The following PRKN variants were observed in gnomAD, a reference collection of about 807,000 sequenced individuals.
PRKN encodes E3 ubiquitin-protein ligase parkin.
Under a neutral mutation model 59.5 loss-of-function variants are expected in PRKN, and 56 were observed. The ratio of observed to expected loss-of-function variants is 0.94; its 90% CI spans 0.76 to 1.18. The LOEUF (loss-of-function observed/expected upper bound fraction) is 1.18, where lower values mean the gene tolerates loss of function less well. Among genes scored for constraint, PRKN ranks in the 50% most tolerant of loss-of-function variants. The pLI, the probability that PRKN is intolerant of heterozygous loss-of-function variation, is 0.00. For missense variants in PRKN, 657 were observed against 596.4 expected, an observed-to-expected ratio of 1.10 and a Z score of -1.06; for synonymous variants, 250 against 222.1, an observed-to-expected ratio of 1.13 and a Z score of -1.12.
chr6:162,405,141 A>C (rs1787993677), intron 2 of PRKN, among the ~76,000 whole-genome samples: 1 of 152,154 alleles, frequency 6.6e-6, no homozygotes, highest in Non-Finnish European at 1.5e-5. Context: ...GAGACAACTC[A>C]AAAAAGGAGT....
intron 9 of PRKN, among the ~76,000 whole-genome samples, chr6:161,415,607 C>T (rs1384658230): frequency 1.1e-5 from 1 of 90,588 alleles, no homozygotes; most frequent in African/African-American, 4.1e-5. Flanking sequence ...CCCCCCCCCC[C>T]GACCCCCCGC....
chr6:162,567,500 A>G (rs1309429790), intron 1 of PRKN, among the ~76,000 whole-genome samples: 1 of 152,178 alleles, frequency 6.6e-6, no homozygotes, highest in East Asian at 1.9e-4. Context: ...TAAATAAAAG[A>G]AATTTTTAAA....
At chr6:161,432,532 A>ATTTTTTTTTTTTT (rs767620173) in intron 9 of PRKN, among the ~76,000 whole-genome samples, 1 of 125,492 alleles carries the variant, frequency 8.0e-6, no homozygotes. Flanking sequence ...TGCCCAGCTA[A>ATTTTTTTTTTTTT]TTTTTTTTTT....
In PRKN at chr6:161,378,108, C is replaced by T. The variant is rs1338379397; in HGVS notation, c.1167+8686G>A. Among the ~76,000 whole-genome samples, 2 of 152,168 alleles carry T rather than the reference C, an allele frequency of 1.3e-5. No individual in the cohort carries two copies. Among genetic ancestry groups the T allele is most frequent in the Non-Finnish European group, 2.9e-5 (2 of 68,030 alleles). On this transcript the variant is annotated intron_variant, in intron 10 of 11. Transcript: ENST00000366898. This position sits in a 1 kb window ranked among gnomAD's most constrained non-coding sequence, Gnocchi z 7.3. ...GCAGGGACAGAGAAAATCTGGAAGACTGAGGACAGGTAAGACAAGGAGCTC... is the reference window on the plus strand; with the variant it reads ...GCAGGGACAGAGAAAATCTGGAAGATTGAGGACAGGTAAGACAAGGAGCTC...
At chr6:161,668,839 C>T (rs1325369140) in intron 7 of PRKN, among the ~76,000 whole-genome samples, 2 of 152,202 alleles carry the variant, frequency 1.3e-5, no homozygotes, top group South Asian at 2.1e-4. Context: ...AGCTGTCTAT[C>T]TCACCCACAT....
At chr6:162,485,016 AT>A (rs1792478844) in intron 1 of PRKN, among the ~76,000 whole-genome samples, 1 of 152,216 alleles carries the variant, frequency 6.6e-6, no homozygotes, top group Admixed American at 6.5e-5. Flanking sequence ...ACAAAGACAA[AT>A]CTCATCAGTA....
rs963167950 is a variant in PRKN at position 161,461,685 on chromosome 6, C to T, written c.1084-74808G>A. ...TTGCAAGGACCGAGGTAAGAAGAGACAGGACAGGGTTGCATGTGGGTGAGG... is the reference window on the plus strand; with the variant it reads ...TTGCAAGGACCGAGGTAAGAAGAGATAGGACAGGGTTGCATGTGGGTGAGG... On this transcript the variant is annotated intron_variant, in intron 9 of 11. Coordinates refer to ENST00000366898, the MANE Select transcript of PRKN (RefSeq NM_004562.3). The surrounding 1 kb of genome is among the most constrained non-coding windows in gnomAD (Gnocchi z 5.1). Among the ~76,000 whole-genome samples the T allele has an allele frequency of 6.6e-6, 1 of 152,098 alleles. No homozygotes were observed. Among genetic ancestry groups the T allele is most frequent in the Admixed American group, 6.5e-5 (1 of 15,284 alleles).
chr6:162,567,518 T>C (rs1005694742), intron 1 of PRKN, among the ~76,000 whole-genome samples: 1 of 152,070 alleles, frequency 6.6e-6, no homozygotes, highest in African/African-American at 2.4e-5. Flanking sequence ...AAAAATTCCA[T>C]TTACAATAGC....
intron 10 of PRKN, among the ~76,000 whole-genome samples, chr6:161,374,908 T>A (rs1785627893): frequency 6.6e-6 from 1 of 152,174 alleles, no homozygotes; most frequent in Non-Finnish European, 1.5e-5. Flanking sequence ...TTTTACCAAC[T>A]CTGCTGGGAT....
intron 7 of PRKN, among the ~76,000 whole-genome samples, chr6:161,640,629 G>T (rs1279081467): frequency 1.3e-5 from 2 of 152,048 alleles, no homozygotes; most frequent in Non-Finnish European, 2.9e-5. Flanking sequence ...CCTATTTTTT[G>T]ACCAGGCTTG....
rs1309170984 is a variant in PRKN, at chr6:162,584,219, AAAAAACAAAAAACAAAAAACAAAAAAC to A, written c.8-140773_8-140747del. Among the ~76,000 whole-genome samples, 90 of 95,492 alleles carry A rather than the reference AAAAAACAAAAAACAAAAAACAAAAAAC, an allele frequency of 9.4e-4. No individual in the cohort carries two copies. In the East Asian group the frequency reaches 0.024, roughly 26 times the overall value. 62.6% of individuals were successfully genotyped at this position (95,492 alleles called of 152,430 possible). On this transcript the variant is annotated intron_variant, in intron 1 of 11. Transcript: ENST00000366898. ...CAGAGTGAGACTCCGTCTCAAAAAA[AAAAAACAAAAAACAAAAAACAAAAAAC>A]AAAAAAAAAAAAAACACTGACTATA...
At chr6:161,494,395 T>C (rs1177257822) in intron 9 of PRKN, among the ~76,000 whole-genome samples, 2 of 152,222 alleles carry the variant, frequency 1.3e-5, no homozygotes, top group Admixed American at 1.3e-4. Context: ...CTGAGAAGCC[T>C]GACTGGTCCT....
intron 2 of PRKN, among the ~76,000 whole-genome samples, chr6:162,301,048 T>C (rs1438071053): frequency 1.3e-5 from 2 of 152,112 alleles, no homozygotes; most frequent in African/African-American, 4.8e-5. Context: ...TATATTTATC[T>C]AGTACTTCTT....
intron 6 of PRKN, among the ~76,000 whole-genome samples, chr6:161,905,579 T>C (rs1445759243): frequency 1.3e-5 from 2 of 152,158 alleles, no homozygotes; most frequent in Admixed American, 1.3e-4. Context: ...CCTTTTCAGA[T>C]CCGCTTCCAA....
At chr6:161,771,458 G>T (rs1217713593) in intron 7 of PRKN, among the ~76,000 whole-genome samples, 1 of 151,892 alleles carries the variant, frequency 6.6e-6, no homozygotes, top group Admixed American at 6.6e-5. Flanking sequence ...CTTGGGGGAG[G>T]GATCAGGAGT....
intron 6 of PRKN, among the ~76,000 whole-genome samples, chr6:161,937,445 CT>C (rs981026269): frequency 6.6e-6 from 1 of 152,204 alleles, no homozygotes; most frequent in Admixed American, 6.5e-5. Flanking sequence ...TCTTTATCAT[CT>C]ATAGTCACTT....
intron 7 of PRKN, among the ~76,000 whole-genome samples, chr6:161,671,857 C>A (rs1429342871): frequency 6.6e-6 from 1 of 152,140 alleles, no homozygotes; most frequent in Non-Finnish European, 1.5e-5. Context: ...TGTTTGTTAT[C>A]ATTTTCGAGG....
At position 161,526,023 on chromosome 6, in the gene PRKN, C is replaced by A. The variant is rs542482488; in HGVS notation, c.1083+22831G>T. 3.1e-4 allele frequency among the ~76,000 whole-genome samples: 47 copies of A among 152,188 alleles called. No individual in the cohort carries two copies. The highest frequency in any genetic ancestry group is 2.9e-5 in the Non-Finnish European group (2 of 68,006). On this transcript the variant is annotated intron_variant, in intron 9 of 11. Transcript: ENST00000366898. The surrounding 1 kb of genome is among the most constrained non-coding windows in gnomAD (Gnocchi z 4.1). ...TGTAACCCAAATCTGTGTATATAAG[C>A]AATTTAGTATTGTGTATCTTCTAAA...
At chr6:161,840,242 CT>C (rs2128220470) in intron 6 of PRKN, among the ~76,000 whole-genome samples, 1 of 152,342 alleles carries the variant, frequency 6.6e-6, no homozygotes, top group South Asian at 2.1e-4. Context: ...CTGGTGAGCT[CT>C]GCAGATGGCA....
Sources: allele counts gnomAD v4.1 joint callset (sites outside exome capture counted in the v4.1 genomes callset), GRCh38; gene constraint gnomAD v4.1.1; non-coding constraint Gnocchi (gnomAD v3.1); transcripts MANE v1.5; gene names NCBI Gene and HGNC (gene_info 2026-07-23, HGNC 2026-07-21).